Variants in RTN3 observed in about 807,000 individuals in gnomAD.
The protein encoded by RTN3 is reticulon 3.
Under a neutral mutation model 77.8 loss-of-function variants are expected in RTN3, and 49 were observed. The observed-to-expected ratio is 0.63, with a 90% CI of 0.50 to 0.80. The LOEUF is 0.80. RTN3 is among the 30% of genes least tolerant of loss of function. The probability of loss-of-function intolerance (pLI) is 0.00; values close to 1 mark genes in which losing one functional copy is unlikely to be tolerated. For missense variants in RTN3, 1,236 were observed against 1,211.9 expected, an observed-to-expected ratio of 1.02 and a Z score of -0.29; for synonymous variants, 464 against 446.9, an observed-to-expected ratio of 1.04 and a Z score of -0.48.
At chr11:63,752,778 G>C (rs2014174216) in intron 5 of RTN3, 133 bp downstream of exon 5, 11 of 944,996 alleles carry the variant, frequency 1.2e-5, no homozygotes, top group Non-Finnish European at 1.8e-5. Context: ...TTCTATAATG[G>C]GATAGGTGTC....
intron 1 of RTN3, among the ~76,000 whole-genome samples, chr11:63,691,642 T>G (rs1462396250): frequency 6.6e-6 from 1 of 152,178 alleles, no homozygotes. Flanking sequence ...TTTGCTCAAA[T>G]CAAAAACCTT....
chr11:63,739,243 G>A (rs1208656296), intron 3 of RTN3, among the ~76,000 whole-genome samples: 1 of 151,840 alleles, frequency 6.6e-6, no homozygotes, highest in Non-Finnish European at 1.5e-5. Flanking sequence ...AGAGAAAAAA[G>A]TAAGGTCCTT....
intron 4 of RTN3, among the ~76,000 whole-genome samples, chr11:63,751,382 A>G (rs1476434411): frequency 6.6e-6 from 1 of 152,202 alleles, no homozygotes; most frequent in Non-Finnish European, 1.5e-5. Flanking sequence ...TAGTTTTCTT[A>G]ACGCTGGAGG....
At chr11:63,705,486 A>G (rs1942455039) in intron 2 of RTN3, among the ~76,000 whole-genome samples, 1 of 152,170 alleles carries the variant, frequency 6.6e-6, no homozygotes, top group Admixed American at 6.5e-5. Flanking sequence ...TGTCACCATC[A>G]CCACCAACAG....
upstream of RTN3, chr11:63,681,459 C>G (rs1941024712): frequency 5.1e-6 from 3 of 583,300 alleles, no homozygotes; most frequent in South Asian, 4.7e-5. Context: ...CGCATGCGCG[C>G]TCGCGCTCCC....
At position 63,720,037 on chromosome 11, in the gene RTN3, C is replaced by T. The variant is rs151006740; in HGVS notation, c.1535C>T (p.Thr512Ile). ...DTVIEDITAD[T>I]SFENNKIQAE... Reference sequence around the variant, plus strand: ...GTAATAGAGGACATCACAGCAGATACATCATTTGAAAATAACAAAATTCAG... The same window carrying T: ...GTAATAGAGGACATCACAGCAGATATATCATTTGAAAATAACAAAATTCAG... Residue 512 changes from threonine (T) to isoleucine (I), a missense_variant, in exon 3 of 9, where the codon ACA (threonine) becomes ATA (isoleucine). Thr to Ile is a moderately conservative substitution (Grantham distance 89). This residue lies in a region of RTN3 where 1,056 missense variants were observed against 990.4 expected (regional missense o/e 1.07). Transcript: ENST00000377819. 1 of 1,614,112 alleles carries T rather than the reference C, an allele frequency of 6.2e-7. No individual in the cohort carries two copies. Among genetic ancestry groups the T allele is most frequent in the Non-Finnish European group, 8.5e-7 (1 of 1,180,012 alleles).
At chr11:63,683,943 CTTTTTTTTT>C (rs35837590) in intron 1 of RTN3, among the ~76,000 whole-genome samples, 10 of 58,944 alleles carry the variant, frequency 1.7e-4, no homozygotes, top group South Asian at 5.0e-4. Flanking sequence ...TCTTTTCTTT[CTTTTTTTTT>C]TTTTTTTTTT....
At chr11:63,696,366 C>T (rs1941939111) in intron 1 of RTN3, among the ~76,000 whole-genome samples, 1 of 150,986 alleles carries the variant, frequency 6.6e-6, no homozygotes, top group Non-Finnish European at 1.5e-5. Context: ...CACTGCACTC[C>T]AGCCTGGGCA....
At position 63,759,833 on chromosome 11, in the gene RTN3, G is replaced by C. The variant is rs2014578602; in HGVS notation, c.*1632G>C. 1.3e-5 allele frequency: 2 copies of C among 150,782 alleles called. No individual in the cohort carries two copies. Among genetic ancestry groups the C allele is most frequent in the South Asian group, 2.1e-4 (1 of 4,762 alleles). The allele number at this position is 150,782 out of a possible 1,614,324, so 9.3% of individuals were successfully genotyped here. On this transcript the variant is annotated 3_prime_UTR_variant, in exon 9 of 9. Coordinates refer to ENST00000377819, the MANE Select transcript of RTN3 (RefSeq NM_001265589.2). The stretch of plus-strand genomic sequence containing the variant: ...GTAGCACCTAAGGAGCTTGAATCTT[G>C]GTTCCTGTAAAATTTCAAATTGATG...
At chr11:63,716,936 T>A (rs1179806923) in intron 2 of RTN3, among the ~76,000 whole-genome samples, 2 of 124,388 alleles carry the variant, frequency 1.6e-5, no homozygotes, top group African/African-American at 6.3e-5. Flanking sequence ...GCCACTACAC[T>A]CCAGCCTGGG....
At chr11:63,706,669 G>A (rs1037955251) in intron 2 of RTN3, among the ~76,000 whole-genome samples, 13 of 151,958 alleles carry the variant, frequency 8.6e-5, no homozygotes, top group East Asian at 3.9e-4. Context: ...TAACTCAAAC[G>A]TATGAAGTAG....
intron 2 of RTN3, among the ~76,000 whole-genome samples, chr11:63,717,269 C>G (rs986374690): frequency 2.6e-5 from 4 of 151,312 alleles, no homozygotes; most frequent in Non-Finnish European, 5.9e-5. Context: ...AGTTAGAAAA[C>G]AGTGTGGTAG....
At chr11:63,696,475 A>G (rs1307357661) in intron 1 of RTN3, among the ~76,000 whole-genome samples, 2 of 151,752 alleles carry the variant, frequency 1.3e-5, no homozygotes, top group African/African-American at 4.8e-5. Context: ...CGGGAGGCTA[A>G]GGTAGGAGGA....
Position 63,724,173 on chromosome 11 carries a change from C to CTTTTT in RTN3, c.2530+3164_2530+3168dup, listed in dbSNP as rs958114305. Among the ~76,000 whole-genome samples the CTTTTT allele has an allele frequency of 2.7e-4, 23 of 85,462 alleles. 1 individual carries two copies. Among genetic ancestry groups the CTTTTT allele is most frequent in the African/African-American group, 3.9e-4 (8 of 20,560 alleles). The allele number at this position is 85,462 out of a possible 152,430, so 56.1% of individuals were successfully genotyped here. A position where few individuals can be genotyped will look rare whatever the true frequency, so the allele number is the denominator to read the frequency against. ...CCTAGCAATCTTGTTTTTAGGAATT[C>CTTTTT]TTTTTTTTTTTTTTTTTTTTTTTTT... On this transcript the variant is annotated intron_variant, in intron 3 of 8. Coordinates refer to ENST00000377819, the MANE Select transcript of RTN3 (RefSeq NM_001265589.2).
chr11:63,719,675 T>C lies in RTN3; in HGVS notation c.1173T>C (p.Ser391=), dbSNP rs757854984. 6.2e-7 allele frequency: 1 copy of C among 1,614,040 alleles called. No homozygotes were observed. The highest frequency in any genetic ancestry group is 1.3e-5 in the African/African-American group (1 of 74,942). ...CTCATCAGAAAACTCCTGTATGTTCTATTGATGGGAGCACTCCCATCACTA... is the reference window on the plus strand; with the variant it reads ...CTCATCAGAAAACTCCTGTATGTTCCATTGATGGGAGCACTCCCATCACTA... ...TSTHQKTPVC[S]IDGSTPITKS... is the part of the protein sequence containing the mutation. The change falls in exon 3 of 9, where the codon TCT becomes TCC. Residue 391 remains serine (S), a synonymous_variant. Coordinates refer to ENST00000377819, the MANE Select transcript of RTN3 (RefSeq NM_001265589.2).
rs1424198605 is a variant in RTN3 at position 63,758,173 on chromosome 11, C to T, written c.3071C>T (p.Pro1024Leu). 1.2e-6 allele frequency: 2 copies of T among 1,608,244 alleles called. No homozygotes were observed. The highest frequency in any genetic ancestry group is 3.4e-5 in the Admixed American group (2 of 58,846). ...SIVEKIQAKL[P>L]GIAKKKAE Reference sequence around the variant, plus strand: ...CTCAATAGGATCCAAGCAAAACTCCCTGGAATCGCCAAAAAAAAGGCAGAA... The same window carrying T: ...CTCAATAGGATCCAAGCAAAACTCCTTGGAATCGCCAAAAAAAAGGCAGAA... The change falls in exon 9 of 9, where the codon CCT becomes CTT. Residue 1024 changes from proline to leucine, a missense_variant. Pro to Leu is a moderately conservative substitution (Grantham distance 98). Coordinates refer to ENST00000377819, the MANE Select transcript of RTN3 (RefSeq NM_001265589.2).
intron 3 of RTN3, among the ~76,000 whole-genome samples, chr11:63,741,828 G>A (rs1276466824): frequency 6.6e-6 from 1 of 151,570 alleles, no homozygotes; most frequent in Non-Finnish European, 1.5e-5. Context: ...ATCTCTTAAT[G>A]CACAATTGTC....
intron 3 of RTN3, among the ~76,000 whole-genome samples, chr11:63,724,247 A>G (rs1223207983): frequency 1.3e-4 from 19 of 142,628 alleles, no homozygotes; most frequent in East Asian, 8.0e-4. Context: ...CAGTGGCGCA[A>G]TCTCGGCTCA....
chr11:63,684,045 G>A (rs1460241188), intron 1 of RTN3, among the ~76,000 whole-genome samples: 4 of 144,786 alleles, frequency 2.8e-5, no homozygotes, highest in African/African-American at 1.0e-4. Context: ...TCCATCTCCG[G>A]GGTTCAAATG....
Sources: allele counts gnomAD v4.1 joint callset (sites outside exome capture counted in the v4.1 genomes callset), GRCh38; gene constraint gnomAD v4.1.1; regional missense constraint gnomAD v4.1.1; transcripts MANE v1.5; gene names NCBI Gene and HGNC (gene_info 2026-07-23, HGNC 2026-07-21).